DIAPH3: variants seen among roughly 807,000 people sequenced by gnomAD.
DIAPH3 encodes protein diaphanous homolog 3.
A neutral mutation model predicts 144.3 loss-of-function variants in DIAPH3; 117 were observed. The ratio of observed to expected loss-of-function variants is 0.81; its 90% confidence interval spans 0.70 to 0.95. DIAPH3 has a LOEUF of 0.95. Ranked by LOEUF, DIAPH3 falls within the 40% of genes least tolerant of loss-of-function variation. The pLI is 0.00. For missense variants in DIAPH3, 1,421 were observed against 1,412.7 expected (o/e 1.01, Z -0.09); for synonymous variants, 519 against 488.9 (o/e 1.06, Z -0.81).
rs567167497 is a variant in DIAPH3, at chr13:60,062,338, T to C, written c.496-19518A>G. Among the ~76,000 whole-genome samples, 60 of 152,318 alleles carry C rather than the reference T, an allele frequency of 3.9e-4. No homozygotes were observed. The Middle Eastern group carries it at 0.01, about 26-fold the overall frequency. ...TATATACAAGCAGTGTTTTACATGTTAAAAATACAAAAATGAACAAAACCT... is the reference window on the plus strand; with the variant it reads ...TATATACAAGCAGTGTTTTACATGTCAAAAATACAAAAATGAACAAAACCT... On this transcript the variant is annotated intron_variant, in intron 4 of 27. Transcript: ENST00000400324.
chr13:59,703,871 C>T (rs892596619), intron 27 of DIAPH3, among the ~76,000 whole-genome samples: 5 of 151,920 alleles, frequency 3.3e-5, no homozygotes, highest in African/African-American at 1.2e-4. Flanking sequence ...CCTAGGAGGC[C>T]CCAGATGATG....
At chr13:59,830,421 A>G (rs1416192186) in intron 24 of DIAPH3, among the ~76,000 whole-genome samples, 1 of 151,750 alleles carries the variant, frequency 6.6e-6, no homozygotes, top group African/African-American at 2.4e-5. Context: ...TCTATATACT[A>G]TTCTTTAGAT....
At chr13:59,845,640 GATCCTGGAAATA>G (rs1354121001) in intron 22 of DIAPH3, among the ~76,000 whole-genome samples, 1 of 152,102 alleles carries the variant, frequency 6.6e-6, no homozygotes, top group East Asian at 1.9e-4. Context: ...ATCTGTACCT[GATCCTGGAAATA>G]ATGTGTGTCT....
chr13:59,766,909 T>A (rs1196746940), intron 27 of DIAPH3, among the ~76,000 whole-genome samples: 1 of 152,156 alleles, frequency 6.6e-6, no homozygotes, highest in East Asian at 1.9e-4. Context: ...CCCGAGTCCT[T>A]CAGTCCAATC....
chr13:60,133,074 A>G, intron 1 of DIAPH3, 85 bp from the exon 2 acceptor site: 1 of 894,976 alleles, frequency 1.1e-6, no homozygotes, highest in Admixed American at 2.2e-5. Flanking sequence ...AAATTCTACA[A>G]TCCTAACTTG....
intron 4 of DIAPH3, among the ~76,000 whole-genome samples, chr13:60,045,591 G>T (rs1441580089): frequency 6.6e-6 from 1 of 152,010 alleles, no homozygotes; most frequent in African/African-American, 2.4e-5. Context: ...CCTGGCTCTT[G>T]GGCAAGTAGG....
At chr13:59,847,066 G>C (rs776606622) in intron 22 of DIAPH3, among the ~76,000 whole-genome samples, 1 of 152,070 alleles carries the variant, frequency 6.6e-6, no homozygotes, top group Non-Finnish European at 1.5e-5. Context: ...GCGACAGAGG[G>C]AGATCTTGTC....
At chr13:60,033,974 T>C (rs2054999568) in intron 5 of DIAPH3, among the ~76,000 whole-genome samples, 1 of 152,198 alleles carries the variant, frequency 6.6e-6, no homozygotes, top group Non-Finnish European at 1.5e-5. Flanking sequence ...CATGTATAGA[T>C]ATGTAAGGGA....
chr13:59,721,743 C>T (rs1159516070), intron 27 of DIAPH3, among the ~76,000 whole-genome samples: 1 of 152,152 alleles, frequency 6.6e-6, no homozygotes. Context: ...CATACAACCT[C>T]TTGGAACAAA....
chr13:59,787,604 A>ATT (rs1462870369), intron 25 of DIAPH3, among the ~76,000 whole-genome samples: 3 of 152,182 alleles, frequency 2.0e-5, no homozygotes, highest in Non-Finnish European at 2.9e-5. Context: ...AAACAATGAA[A>ATT]GGATAAGCTG....
chr13:59,984,355 TG>T (rs2051241776), intron 12 of DIAPH3, among the ~76,000 whole-genome samples: 1 of 151,744 alleles, frequency 6.6e-6, no homozygotes, highest in Admixed American at 6.6e-5. Flanking sequence ...AATTTAAAAC[TG>T]GTACTGTAAG....
At chr13:59,973,001 A>T (rs556023799) in intron 15 of DIAPH3, among the ~76,000 whole-genome samples, 1 of 152,324 alleles carries the variant, frequency 6.6e-6, no homozygotes, top group Non-Finnish European at 1.5e-5. Flanking sequence ...CCAAAGAAAG[A>T]ATTTGCCAGT....
At chr13:59,970,516 C>A (rs1027707693) in intron 16 of DIAPH3, among the ~76,000 whole-genome samples, 2 of 152,052 alleles carry the variant, frequency 1.3e-5, no homozygotes, top group African/African-American at 4.8e-5. Flanking sequence ...CCTAAGAACA[C>A]CATCATTTTT....
intron 22 of DIAPH3, among the ~76,000 whole-genome samples, chr13:59,840,154 C>T (rs1363156962): frequency 6.6e-6 from 1 of 151,904 alleles, no homozygotes; most frequent in African/African-American, 2.4e-5. Context: ...TTTTATATGA[C>T]ACCAGGAAAA....
chr13:59,920,631 T>C (rs1456711823), intron 18 of DIAPH3, among the ~76,000 whole-genome samples: 1 of 151,622 alleles, frequency 6.6e-6, no homozygotes. Context: ...AGACATACAT[T>C]GCAATACAAT....
In DIAPH3 at chr13:59,977,563, C is replaced by G. The variant is rs576880392; in HGVS notation, c.1546-3107G>C. Among the ~76,000 whole-genome samples the G allele has an allele frequency of 4.0e-5, 6 of 151,822 alleles. No individual in the cohort carries two copies. The South Asian group carries it at 1.2e-3, about 31-fold the overall frequency. Reference sequence around the variant, plus strand: ...AACCAGCAGCAGTGTGAAAGATGGGCTGAAAAAGACATACTAGAGGCATGG... The same window carrying G: ...AACCAGCAGCAGTGTGAAAGATGGGGTGAAAAAGACATACTAGAGGCATGG... On this transcript the variant is annotated intron_variant, in intron 14 of 27. Transcript: ENST00000400324.
intron 25 of DIAPH3, among the ~76,000 whole-genome samples, chr13:59,776,461 C>G (rs180818465): frequency 7.6e-4 from 115 of 151,862 alleles, no homozygotes; most frequent in African/African-American, 2.4e-3. Context: ...CCTTAAAAAA[C>G]TGCAGGTAAT....
chr13:59,721,527 G>T (rs929896372), intron 27 of DIAPH3, among the ~76,000 whole-genome samples: 10 of 152,136 alleles, frequency 6.6e-5, no homozygotes, highest in African/African-American at 2.4e-4. Flanking sequence ...ATCTGCATAA[G>T]AACTAGGTGA....
intron 9 of DIAPH3, among the ~76,000 whole-genome samples, chr13:60,005,363 T>G (rs956725738): frequency 2.0e-5 from 3 of 152,180 alleles, no homozygotes; most frequent in African/African-American, 7.2e-5. Context: ...AATCAAAGAT[T>G]GTGGAGTTAT....
Sources: gnomAD v4.1 joint callset for allele counts (sites outside exome capture counted in the v4.1 genomes callset) on GRCh38, gnomAD v4.1.1 for gene constraint, MANE v1.5 for transcripts, NCBI Gene and HGNC (gene_info 2026-07-23, HGNC 2026-07-21) for gene names.